RBFOX1: variants seen among roughly 807,000 people sequenced by gnomAD.
RBFOX1 encodes the protein RNA binding protein fox-1 homolog 1.
RBFOX1 carries 8 observed loss-of-function variants against 57.7 expected under a neutral mutation model. The observed-to-expected ratio is 0.14, with a 90% CI of 0.08 to 0.25. The LOEUF is 0.25. Among genes scored for constraint, RBFOX1 ranks in the 10% least tolerant of loss-of-function variants. The pLI is 1.00. For synonymous variants in RBFOX1, 326 were observed against 222.4 expected (o/e 1.47, Z -4.15); for missense variants, 611 against 548.5 (o/e 1.11, Z -1.14).
chr16:6,421,514 C>A (rs568528769), intron 2 of RBFOX1, among the ~76,000 whole-genome samples: 1 of 152,194 alleles, frequency 6.6e-6, no homozygotes, highest in Non-Finnish European at 1.5e-5. Flanking sequence ...TACTTTTTAA[C>A]AAGATTTTCA....
chr16:7,129,963 A>G lies in RBFOX1; in HGVS notation c.27+77865A>G, dbSNP rs371540623. 3.3e-5 allele frequency among the ~76,000 whole-genome samples: 5 copies of G among 152,110 alleles called. No homozygotes were observed. The East Asian group carries it at 7.7e-4, about 24-fold the overall frequency. ...CTGCTTCAAATCTCATTTGCCAGCA[A>G]TACCAAATAGGATATATACTCCTCT... On this transcript the variant is annotated intron_variant, in intron 4 of 15. Coordinates refer to ENST00000550418, the MANE Select transcript of RBFOX1 (RefSeq NM_018723.4).
chr16:6,298,049 G>C (rs2078344916), intron 1 of RBFOX1, among the ~76,000 whole-genome samples: 1 of 152,210 alleles, frequency 6.6e-6, no homozygotes, highest in East Asian at 1.9e-4. Context: ...TTTGCAAATA[G>C]GCAGAGGGTC....
intron 2 of RBFOX1, among the ~76,000 whole-genome samples, chr16:5,579,630 C>T (rs917990779): frequency 1.3e-5 from 2 of 152,186 alleles, no homozygotes; most frequent in African/African-American, 4.8e-5. Flanking sequence ...CTCCTTCTGC[C>T]AACTCCTGCC....
chr16:7,090,235 A>G (rs1247051133), intron 4 of RBFOX1, among the ~76,000 whole-genome samples: 3 of 152,236 alleles, frequency 2.0e-5, no homozygotes, highest in Non-Finnish European at 4.4e-5. Context: ...AGACAATAAA[A>G]TAGAATCCAT....
chr16:6,637,348 T>TTATATGTTA (rs1206135496), intron 2 of RBFOX1, among the ~76,000 whole-genome samples: 4 of 86,974 alleles, frequency 4.6e-5, no homozygotes, highest in African/African-American at 5.9e-5. Context: ...CAAATATATA[T>TTATATGTTA]TATATATTAA....
chr16:6,527,130 T>C (rs536852824), intron 2 of RBFOX1, among the ~76,000 whole-genome samples: 30 of 152,308 alleles, frequency 2.0e-4, no homozygotes, highest in African/African-American at 7.2e-4. Flanking sequence ...TTATTCAATA[T>C]GTTAAAACCT....
chr16:7,179,940 G>A (rs1241156463), intron 4 of RBFOX1, among the ~76,000 whole-genome samples: 4 of 150,998 alleles, frequency 2.6e-5, no homozygotes, highest in East Asian at 3.9e-4. Context: ...ATGGGGTTTC[G>A]CCATGTTTGC....
intron 3 of RBFOX1, among the ~76,000 whole-genome samples, chr16:6,885,215 A>T (rs1255134627): frequency 6.6e-6 from 1 of 152,080 alleles, no homozygotes; most frequent in Non-Finnish European, 1.5e-5. Context: ...AGAAAACTAG[A>T]ACTGTGGTTT....
At chr16:7,050,388 A>G (rs901727139) in intron 3 of RBFOX1, among the ~76,000 whole-genome samples, 8 of 151,572 alleles carry the variant, frequency 5.3e-5, no homozygotes, top group African/African-American at 4.8e-5. Flanking sequence ...GCTTCAGCCA[A>G]CTGAGTAGCT....
intron 3 of RBFOX1, among the ~76,000 whole-genome samples, chr16:6,699,078 T>G (rs2061459796): frequency 6.6e-6 from 1 of 152,118 alleles, no homozygotes; most frequent in African/African-American, 2.4e-5. Flanking sequence ...GGCAGGCAAG[T>G]GACAATCATA....
chr16:6,734,128 G>T (rs2069425487), intron 3 of RBFOX1, among the ~76,000 whole-genome samples: 1 of 152,174 alleles, frequency 6.6e-6, no homozygotes, highest in South Asian at 2.1e-4. Flanking sequence ...GGATCCGCCA[G>T]AATTATACAG....
chr16:5,880,037 C>T (rs902827187), intron 4 of RBFOX1, among the ~76,000 whole-genome samples: 2 of 152,162 alleles, frequency 1.3e-5, no homozygotes, highest in Non-Finnish European at 2.9e-5. Context: ...CCATGGTGTG[C>T]CAGTGAGGCC....
chr16:7,439,949 CT>C (rs144449326), intron 4 of RBFOX1, among the ~76,000 whole-genome samples: 7,891 of 94,016 alleles, frequency 0.084, 239 homozygotes, highest in African/African-American at 0.14. Context: ...TCTTTTCTTT[CT>C]TTTTTTTTTT....
intron 3 of RBFOX1, among the ~76,000 whole-genome samples, chr16:6,750,891 G>A (rs922141174): frequency 3.9e-5 from 6 of 152,300 alleles, no homozygotes; most frequent in African/African-American, 1.2e-4. Context: ...AGAAGATACA[G>A]TAGTGTTTTC....
intron 4 of RBFOX1, among the ~76,000 whole-genome samples, chr16:7,093,940 A>ATT (rs1444364375): frequency 6.6e-6 from 1 of 151,912 alleles, no homozygotes; most frequent in African/African-American, 2.4e-5. Flanking sequence ...GTGACTATAT[A>ATT]AGGCGTATAT....
chr16:7,664,347 T>A (rs2068617711), intron 12 of RBFOX1, among the ~76,000 whole-genome samples: 1 of 152,106 alleles, frequency 6.6e-6, no homozygotes. Flanking sequence ...AGAGATATTC[T>A]CCATTAACCA....
chr16:5,634,159 C>G (rs932837328), intron 3 of RBFOX1, among the ~76,000 whole-genome samples: 1 of 152,220 alleles, frequency 6.6e-6, no homozygotes, highest in Non-Finnish European at 1.5e-5. Flanking sequence ...CAAATTCAGA[C>G]TTGTGTACAT....
At chr16:7,075,013 A>T (rs1428673259) in intron 4 of RBFOX1, among the ~76,000 whole-genome samples, 1 of 152,188 alleles carries the variant, frequency 6.6e-6, no homozygotes, top group Non-Finnish European at 1.5e-5. Context: ...AATTAAAGAA[A>T]AAGAGAAAAA....
intron 4 of RBFOX1, among the ~76,000 whole-genome samples, chr16:7,137,869 G>C (rs537723365): frequency 1.3e-5 from 2 of 152,142 alleles, no homozygotes; most frequent in South Asian, 2.1e-4. Context: ...TTTTTATTGA[G>C]CATCTGTGAT....
Sources: gnomAD v4.1 joint callset for allele counts (sites outside exome capture counted in the v4.1 genomes callset) on GRCh38, gnomAD v4.1.1 for gene constraint, MANE v1.5 for transcripts, NCBI Gene and HGNC (gene_info 2026-07-23, HGNC 2026-07-21) for gene names.